The following ST6GALNAC3 variants were observed in gnomAD, a reference collection of about 807,000 sequenced individuals.
ST6GALNAC3 encodes the protein alpha-N-acetylgalactosaminide alpha-2,6-sialyltransferase 3.
A neutral mutation model predicts 32.7 loss-of-function variants in ST6GALNAC3; 25 were observed. The observed-to-expected ratio is 0.76, with a 90% confidence interval of 0.56 to 1.07. ST6GALNAC3 has a LOEUF of 1.07. Ranked by LOEUF, ST6GALNAC3 falls within the 50% of genes least tolerant of loss-of-function variation. ST6GALNAC3 has a pLI of 0.00. For synonymous variants in ST6GALNAC3, 129 were observed against 133.1 expected (o/e 0.97, Z 0.21); for missense variants, 355 against 382.4 (o/e 0.93, Z 0.60).
chr1:76,195,225 C>T (rs1654131422), intron 1 of ST6GALNAC3, among the ~76,000 whole-genome samples: 1 of 152,158 alleles, frequency 6.6e-6, no homozygotes, highest in Admixed American at 6.5e-5. Context: ...TAGAAGAAAA[C>T]ATCTGCCAAC....
At chr1:76,158,574 T>G (rs1651616599) in intron 1 of ST6GALNAC3, among the ~76,000 whole-genome samples, 1 of 152,212 alleles carries the variant, frequency 6.6e-6, no homozygotes, top group South Asian at 2.1e-4. Flanking sequence ...TTGTTGTTGT[T>G]CTTCTTTTAT....
intron 2 of ST6GALNAC3, among the ~76,000 whole-genome samples, chr1:76,406,573 C>T (rs553584385): frequency 6.6e-6 from 1 of 151,972 alleles, no homozygotes; most frequent in South Asian, 2.1e-4. Context: ...GTCATGCTAG[C>T]ACTATTGCCA....
rs947637040 is a variant in ST6GALNAC3, at chr1:76,509,438, A to G, written c.623+97021A>G. 2.6e-5 allele frequency among the ~76,000 whole-genome samples: 4 copies of G among 152,158 alleles called. No individual in the cohort carries two copies. The highest frequency in any genetic ancestry group is 9.7e-5 in the African/African-American group (4 of 41,420). ...TGGTCAGAATCATAAAAAGATAGAG[A>G]AGCCATGCTAATTCTGACACTTTGA... is the stretch of plus-strand genomic sequence containing the variant. On this transcript the variant is annotated intron_variant, in intron 3 of 4. Transcript: ENST00000328299. This position sits in a 1 kb window ranked among gnomAD's most constrained non-coding sequence, Gnocchi z 5.5.
intron 3 of ST6GALNAC3, among the ~76,000 whole-genome samples, chr1:76,612,327 C>T (rs1165992516): frequency 6.6e-6 from 1 of 152,154 alleles, no homozygotes; most frequent in Non-Finnish European, 1.5e-5. Flanking sequence ...ACCCAAGCCA[C>T]CTTGTGGCCC....
chr1:76,488,347 GT>G (rs59403496), intron 3 of ST6GALNAC3, among the ~76,000 whole-genome samples: 145,417 of 152,176 alleles, frequency 0.96, 69,653 homozygotes, highest in East Asian at 1. Context: ...TGTGTTGATT[GT>G]TAAGTTTTCT....
chr1:76,238,181 C>T (rs78504462), intron 1 of ST6GALNAC3, among the ~76,000 whole-genome samples: 1 of 152,218 alleles, frequency 6.6e-6, no homozygotes, highest in East Asian at 1.9e-4. Context: ...TCTCTAGTTC[C>T]CACACTGTGC....
chr1:76,509,639 G>A lies in ST6GALNAC3; in HGVS notation c.623+97222G>A, dbSNP rs542357164. Among the ~76,000 whole-genome samples, 11 of 152,266 alleles carry A rather than the reference G, an allele frequency of 7.2e-5. No homozygotes were observed. Among genetic ancestry groups the A allele is most frequent in the South Asian group, 6.2e-4 (3 of 4,822 alleles). On this transcript the variant is annotated intron_variant, in intron 3 of 4. Transcript: ENST00000328299. The surrounding 1 kb of genome is among the most constrained non-coding windows in gnomAD (Gnocchi z 5.5). ...AACACAAAGTTATTTTATACAGTTC[G>A]AAGTTAGAAGTCTAAAATGGGTTGT... is the stretch of plus-strand genomic sequence containing the variant.
intron 1 of ST6GALNAC3, among the ~76,000 whole-genome samples, chr1:76,266,569 C>T (rs1658538849): frequency 1.3e-5 from 2 of 152,168 alleles, no homozygotes; most frequent in South Asian, 4.1e-4. Context: ...TCTCTAAAGC[C>T]TAGAGGATGG....
At chr1:76,611,779 A>G (rs1179459159) in intron 3 of ST6GALNAC3, among the ~76,000 whole-genome samples, 2 of 152,220 alleles carry the variant, frequency 1.3e-5, no homozygotes, top group Non-Finnish European at 2.9e-5. Context: ...TATAACCAAC[A>G]CTGAGTTCTT....
chr1:76,122,566 C>T (rs1299421001), intron 1 of ST6GALNAC3, among the ~76,000 whole-genome samples: 6 of 152,212 alleles, frequency 3.9e-5, no homozygotes, highest in Non-Finnish European at 7.3e-5. Flanking sequence ...ACTGGCTATG[C>T]ACCACTTGTA....
At chr1:76,177,755 A>C (rs556113342) in intron 1 of ST6GALNAC3, among the ~76,000 whole-genome samples, 1 of 152,334 alleles carries the variant, frequency 6.6e-6, no homozygotes, top group African/African-American at 2.4e-5. Context: ...TCTTTCATTC[A>C]GATCGCTGTG....
intron 1 of ST6GALNAC3, among the ~76,000 whole-genome samples, chr1:76,188,429 G>A (rs1653703148): frequency 6.6e-6 from 1 of 152,166 alleles, no homozygotes; most frequent in Non-Finnish European, 1.5e-5. Context: ...GTGTGGGAGT[G>A]GGAGGAAATT....
At chr1:76,267,939 T>C (rs1445121380) in intron 1 of ST6GALNAC3, among the ~76,000 whole-genome samples, 1 of 152,228 alleles carries the variant, frequency 6.6e-6, no homozygotes, top group Non-Finnish European at 1.5e-5. Context: ...AAAGGAAGTA[T>C]ATGATGTTCT....
At chr1:76,610,662 A>C (rs2100665409) in intron 3 of ST6GALNAC3, among the ~76,000 whole-genome samples, 1 of 152,156 alleles carries the variant, frequency 6.6e-6, no homozygotes, top group African/African-American at 2.4e-5. Context: ...GTGTTGAGAG[A>C]ATGTTGGACA....
At chr1:76,337,662 C>T (rs551868743) in intron 2 of ST6GALNAC3, among the ~76,000 whole-genome samples, 49 of 152,102 alleles carry the variant, frequency 3.2e-4, no homozygotes, top group Non-Finnish European at 6.5e-4. Flanking sequence ...CCTATGGAAT[C>T]AAGATCTGCA....
chr1:76,358,668 A>G lies in ST6GALNAC3; in HGVS notation c.213+44669A>G, dbSNP rs79649782. On this transcript the variant is annotated intron_variant, in intron 2 of 4. Coordinates refer to ENST00000328299, the MANE Select transcript of ST6GALNAC3 (RefSeq NM_152996.4). Reference sequence around the variant, plus strand: ...TTACCATGGTGATTTTTTGAAATGCAGATTTTATTGCCTTATTTCCCTGGG... The same window carrying G: ...TTACCATGGTGATTTTTTGAAATGCGGATTTTATTGCCTTATTTCCCTGGG... Among the ~76,000 whole-genome samples the G allele has an allele frequency of 6.8e-3, 1,038 of 152,198 alleles. 7 individuals are homozygous for G. The highest frequency in any genetic ancestry group is 0.024 in the African/African-American group (1,015 of 41,540).
In ST6GALNAC3 at chr1:76,207,998, G is replaced by T. The variant is rs72998504; in HGVS notation, c.19-105807G>T. ...CTGAGTTCTGCTGCTGTGCTTCAGG[G>T]GGGGCCTGCATTAGCCATCTCTGGC... On this transcript the variant is annotated intron_variant, in intron 1 of 4. Coordinates refer to ENST00000328299, the MANE Select transcript of ST6GALNAC3 (RefSeq NM_152996.4). 3.0e-3 allele frequency among the ~76,000 whole-genome samples: 462 copies of T among 152,224 alleles called. 3 individuals carry two copies. The highest frequency in any genetic ancestry group is 0.011 in the African/African-American group (439 of 41,540).
At chr1:76,171,486 A>G (rs917834275) in intron 1 of ST6GALNAC3, among the ~76,000 whole-genome samples, 8 of 151,840 alleles carry the variant, frequency 5.3e-5, no homozygotes, top group African/African-American at 1.7e-4. Context: ...AAAAAAATCA[A>G]TGAATCCAGG....
At chr1:76,098,763 A>G (rs1647174133) in intron 1 of ST6GALNAC3, among the ~76,000 whole-genome samples, 1 of 152,142 alleles carries the variant, frequency 6.6e-6, no homozygotes, top group Non-Finnish European at 1.5e-5. Flanking sequence ...TTTATGAACA[A>G]AACAATTATA....
Sources: gnomAD v4.1 joint callset for allele counts (sites outside exome capture counted in the v4.1 genomes callset) on GRCh38, gnomAD v4.1.1 for gene constraint, Gnocchi (gnomAD v3.1) non-coding constraint, MANE v1.5 for transcripts, NCBI Gene and HGNC (gene_info 2026-07-23, HGNC 2026-07-21) for gene names.